The following IFT43 variants were observed in gnomAD, a reference collection of about 807,000 sequenced individuals.
The protein encoded by IFT43 is intraflagellar transport protein 43 homolog.
In IFT43, 33 loss-of-function variants were observed where a neutral mutation model predicts 32.3. That is an observed-to-expected ratio of 1.02 (90% CI 0.77 to 1.37). IFT43 has a LOEUF of 1.37. IFT43 is among the 40% of genes most tolerant of loss of function. The pLI is 0.00. For missense variants in IFT43, 274 were observed against 265.9 expected (o/e 1.03, Z -0.21); for synonymous variants, 93 against 98.2 (o/e 0.95, Z 0.31).
intron 3 of IFT43, among the ~76,000 whole-genome samples, chr14:76,036,226 T>C (rs1180633971): frequency 2.0e-5 from 3 of 152,194 alleles, no homozygotes; most frequent in African/African-American, 4.8e-5. Flanking sequence ...CCAGGTCATA[T>C]TGAGTTACTT....
chr14:76,029,899 T>TTATTTTATTTTA (rs2036476457), intron 3 of IFT43, among the ~76,000 whole-genome samples: 2 of 148,394 alleles, frequency 1.3e-5, no homozygotes, highest in African/African-American at 5.1e-5. Flanking sequence ...TTATTTTATT[T>TTATTTTATTTTA]GAGACAGGAT....
At chr14:76,045,502 C>G (rs1184706941) in intron 3 of IFT43, among the ~76,000 whole-genome samples, 1 of 152,222 alleles carries the variant, frequency 6.6e-6, no homozygotes, top group Non-Finnish European at 1.5e-5. Context: ...ATCCCATTAA[C>G]AGAAGCTTAA....
At chr14:76,027,818 A>G (rs2036432704) in intron 3 of IFT43, among the ~76,000 whole-genome samples, 1 of 151,782 alleles carries the variant, frequency 6.6e-6, no homozygotes, top group Non-Finnish European at 1.5e-5. Context: ...TATATAGTTT[A>G]TATTTGAATA....
intron 2 of IFT43, among the ~76,000 whole-genome samples, chr14:76,020,671 G>A (rs1040497246): frequency 6.6e-6 from 1 of 152,196 alleles, no homozygotes; most frequent in African/African-American, 2.4e-5. Flanking sequence ...TTAGGCTATA[G>A]TTGTTATTGG....
At chr14:76,019,169 A>G (rs2036244849) in intron 2 of IFT43, among the ~76,000 whole-genome samples, 1 of 151,708 alleles carries the variant, frequency 6.6e-6, no homozygotes, top group South Asian at 2.1e-4. Flanking sequence ...CCATTTGTGT[A>G]TCTGTTCTAC....
chr14:76,001,143 C>A (rs1053122465), intron 2 of IFT43, among the ~76,000 whole-genome samples: 6 of 152,174 alleles, frequency 3.9e-5, no homozygotes, highest in African/African-American at 7.2e-5. Flanking sequence ...GGATTTGCAT[C>A]TTAGAAAGAA....
At chr14:76,069,881 G>A (rs1297675575) in intron 5 of IFT43, among the ~76,000 whole-genome samples, 2 of 152,130 alleles carry the variant, frequency 1.3e-5, no homozygotes, top group South Asian at 2.1e-4. Context: ...ACTGGAGAGG[G>A]CTGTGCTCCT....
chr14:76,021,278 T>C (rs1451150728), intron 2 of IFT43, among the ~76,000 whole-genome samples: 1 of 152,176 alleles, frequency 6.6e-6, no homozygotes, highest in Non-Finnish European at 1.5e-5. Context: ...GGGGTTGGTG[T>C]AGGCCTCTTG....
At chr14:76,054,294 C>T (rs561984635) in intron 3 of IFT43, among the ~76,000 whole-genome samples, 8 of 152,332 alleles carry the variant, frequency 5.3e-5, no homozygotes, top group East Asian at 1.9e-4. Flanking sequence ...TATACCATAT[C>T]GTGCCTTCCA....
chr14:76,025,818 A>C (rs752531221), intron 3 of IFT43, among the ~76,000 whole-genome samples: 3 of 152,242 alleles, frequency 2.0e-5, no homozygotes, highest in Non-Finnish European at 4.4e-5. Context: ...TAAAAGACTT[A>C]AATGTAAAAC....
At chr14:75,986,040 T>A (rs2035517507) in intron 1 of IFT43, 200 bp downstream of exon 1, 12 of 1,521,714 alleles carry the variant, frequency 7.9e-6, no homozygotes, top group Non-Finnish European at 1.1e-5. Context: ...TTTGCTTTCT[T>A]TAAAATCCTC....
At chr14:76,003,557 A>G (rs2035928690) in intron 2 of IFT43, among the ~76,000 whole-genome samples, 1 of 151,390 alleles carries the variant, frequency 6.6e-6, no homozygotes, top group African/African-American at 2.4e-5. Context: ...ACTGTGACCC[A>G]GGAGGCAGAG....
chr14:76,067,619 G>A (rs2037248263), intron 5 of IFT43, among the ~76,000 whole-genome samples: 2 of 151,884 alleles, frequency 1.3e-5, no homozygotes, highest in Admixed American at 6.6e-5. Flanking sequence ...AAGATTAAGT[G>A]TGTTTTCAGA....
At chr14:76,074,949 C>T (rs774548287) in intron 5 of IFT43, among the ~76,000 whole-genome samples, 3 of 152,188 alleles carry the variant, frequency 2.0e-5, no homozygotes, top group Non-Finnish European at 4.4e-5. Flanking sequence ...TTTTGATCTT[C>T]CTCCTCTTAA....
At chr14:76,032,186 A>G (rs1347349696) in intron 3 of IFT43, among the ~76,000 whole-genome samples, 1 of 152,054 alleles carries the variant, frequency 6.6e-6, no homozygotes, top group East Asian at 1.9e-4. Flanking sequence ...ATATCACCCT[A>G]TTCAGTCTGC....
intron 5 of IFT43, among the ~76,000 whole-genome samples, chr14:76,076,317 C>T (rs1167508564): frequency 6.6e-6 from 1 of 152,192 alleles, no homozygotes; most frequent in Non-Finnish European, 1.5e-5. Context: ...ACAGAAGAGA[C>T]TTTATGTAGT....
intron 4 of IFT43, 69 bp downstream of exon 4, chr14:76,058,743 G>C: frequency 6.2e-7 from 1 of 1,607,238 alleles, no homozygotes. Context: ...AGTCTTGGTG[G>C]TCATGATCTG....
chr14:76,042,506 AG>A (rs2036726171), intron 3 of IFT43, among the ~76,000 whole-genome samples: 2 of 152,220 alleles, frequency 1.3e-5, no homozygotes, highest in African/African-American at 4.8e-5. Context: ...AATAATAGCA[AG>A]GAGTGCATGC....
rs879915021 is a variant in IFT43 at position 75,986,075 on chromosome 14, C to T, written c.54+235C>T. 19 of 1,485,804 alleles carry T rather than the reference C, an allele frequency of 1.3e-5. No individual in the cohort carries two copies. In the South Asian group the frequency reaches 2.3e-4, roughly 18 times the overall value. The allele number at this position is 1,485,804 out of a possible 1,614,324, so 92.0% of individuals were successfully genotyped here. ...CAGAAAGTAGAAAACACCCTGTCCC[C>T]GCCGGCGTCTAGGACCGTGGGAAAT... On this transcript the variant is annotated intron_variant, in intron 1 of 8. Coordinates refer to ENST00000314067, the MANE Select transcript of IFT43 (RefSeq NM_001102564.3).
Sources: gnomAD v4.1 joint callset for allele counts (sites outside exome capture counted in the v4.1 genomes callset) on GRCh38, gnomAD v4.1.1 for gene constraint, MANE v1.5 for transcripts, NCBI Gene and HGNC (gene_info 2026-07-23, HGNC 2026-07-21) for gene names.